The following TTC23L variants were observed in gnomAD, a reference collection of about 807,000 sequenced individuals.
TTC23L encodes the protein tetratricopeptide repeat domain 23 like, also known as tetratricopeptide repeat protein 23-like.
Under a neutral mutation model 48.1 loss-of-function variants are expected in TTC23L, and 42 were observed. That is an observed-to-expected ratio of 0.87 (90% CI 0.68 to 1.13). The LOEUF (loss-of-function observed/expected upper bound fraction) is 1.13. TTC23L is among the 50% of genes most tolerant of loss of function. TTC23L has a pLI of 0.00. For synonymous variants in TTC23L, 159 were observed against 157.2 expected, an observed-to-expected ratio of 1.01 and a Z score of -0.09; for missense variants, 391 against 421.0, an observed-to-expected ratio of 0.93 and a Z score of 0.62.
rs869123650 is a variant in TTC23L, at chr5:34,846,667, A to ATGTGTGTG, written c.255+1028_255+1035dup. Among the ~76,000 whole-genome samples the ATGTGTGTG allele has an allele frequency of 1.3e-3, 89 of 66,340 alleles. No homozygotes were observed. In the East Asian group the frequency reaches 0.02, roughly 15 times the overall value. 43.5% of individuals were successfully genotyped at this position (66,340 alleles called of 152,430 possible). ...TATATACAAATACATATATGTGTGT[A>ATGTGTGTG]TGTGTGTGTGTGTGTGTGTGTGTGT... On this transcript the variant is annotated intron_variant, in intron 3 of 10. Coordinates refer to ENST00000505624, the Ensembl canonical transcript of TTC23L.
At chr5:34,859,867 G>A (rs1377182865) in intron 4 of TTC23L, among the ~76,000 whole-genome samples, 4 of 120,030 alleles carry the variant, frequency 3.3e-5, no homozygotes, top group African/African-American at 9.8e-5. Flanking sequence ...TTTTTGAGAC[G>A]GAATCTCACT....
chr5:34,844,152 G>A (rs1016013402), intron 2 of TTC23L, among the ~76,000 whole-genome samples: 2 of 152,208 alleles, frequency 1.3e-5, no homozygotes, highest in Non-Finnish European at 2.9e-5. Flanking sequence ...TTCATCACCT[G>A]TCTTCTGATC....
the TTC23L span, chr5:34,911,602 G>C: frequency 3.7e-6 from 6 of 1,613,992 alleles, no homozygotes; most frequent in East Asian, 6.7e-5. Context: ...GACTTCACTC[G>C]TCATATCCAA....
At chr5:34,913,796 C>T in the TTC23L span, 6 of 544,222 alleles carry the variant, frequency 1.1e-5, no homozygotes, top group Non-Finnish European at 2.0e-5. Context: ...TCTCCCTTGT[C>T]TCGTTTTTGT....
rs766063455 is a variant in TTC23L at position 34,896,799 on chromosome 5, G to A, written c.*21G>A. On this transcript the variant is annotated 3_prime_UTR_variant, in exon 10 of 11. Coordinates refer to ENST00000505624, the Ensembl canonical transcript of TTC23L. The stretch of plus-strand genomic sequence containing the variant: ...AGTAGCAGTTCATCCAGATGGAGAA[G>A]AGAAGCCATTCCTGGAAGAAGGAAC... The A allele has an allele frequency of 1.4e-5, 11 of 761,550 alleles. No individual in the cohort carries two copies. The African/African-American group carries it at 1.7e-4, about 12-fold the overall frequency. The allele number at this position is 761,550 out of a possible 1,614,324, so 47.2% of individuals were successfully genotyped here.
intron 4 of TTC23L, among the ~76,000 whole-genome samples, chr5:34,850,988 G>C (rs1481425300): frequency 6.6e-6 from 1 of 152,178 alleles, no homozygotes; most frequent in African/African-American, 2.4e-5. Context: ...TCCTTGACCA[G>C]CCATGTCCCC....
intron 9 of TTC23L, among the ~76,000 whole-genome samples, chr5:34,885,999 T>C (rs1186204286): frequency 6.6e-6 from 1 of 151,910 alleles, no homozygotes; most frequent in Non-Finnish European, 1.5e-5. Flanking sequence ...AAAAAATAGG[T>C]GAACAAAAAG....
chr5:34,899,591 A>G (rs181400838), downstream of TTC23L: 79 of 152,588 alleles, frequency 5.2e-4, 1 homozygote, highest in South Asian at 4.1e-4. Flanking sequence ...CCCAAGAGCC[A>G]TTAGAAACTA....
the TTC23L span, chr5:34,906,505 G>A: frequency 6.6e-6 from 1 of 152,022 alleles, no homozygotes; most frequent in Non-Finnish European, 1.5e-5. Flanking sequence ...AGGGCATGGA[G>A]GCATGCACCT....
chr5:34,888,665 T>C (rs1279080931), intron 9 of TTC23L: 2 of 266,152 alleles, frequency 7.5e-6, no homozygotes, highest in Non-Finnish European at 1.2e-5. Flanking sequence ...AAATCCTACC[T>C]GTGTATGAAT....
chr5:34,845,730 G>C (rs1759061454), intron 3 of TTC23L, 57 bp downstream of exon 3: 1 of 1,500,606 alleles, frequency 6.7e-7, no homozygotes, highest in East Asian at 2.3e-5. Flanking sequence ...TTCCTGTTTA[G>C]AGAAGCTTTG....
downstream of TTC23L, among the ~76,000 whole-genome samples, chr5:34,900,311 G>A (rs908028487): frequency 6.6e-6 from 1 of 152,050 alleles, no homozygotes; most frequent in Non-Finnish European, 1.5e-5. Flanking sequence ...CTTACAATAA[G>A]TAAACTAGAG....
the TTC23L span, chr5:34,925,341 C>G: frequency 1.2e-6 from 2 of 1,613,912 alleles, no homozygotes. Context: ...CATGATCCCA[C>G]TGCAGATGTT....
chr5:34,902,903 G>A (rs1763543209), downstream of TTC23L, among the ~76,000 whole-genome samples: 1 of 151,596 alleles, frequency 6.6e-6, no homozygotes, highest in Non-Finnish European at 1.5e-5. Flanking sequence ...AGTAGCATCA[G>A]AAGAGTTGCT....
the TTC23L span, chr5:34,911,666 C>T: frequency 1.2e-5 from 19 of 1,613,974 alleles, no homozygotes; most frequent in African/African-American, 1.3e-4. Context: ...TTATTAATAA[C>T]ATTGGTGCTG....
chr5:34,858,647 T>C (rs1760321324), intron 4 of TTC23L, among the ~76,000 whole-genome samples: 1 of 151,698 alleles, frequency 6.6e-6, no homozygotes, highest in Non-Finnish European at 1.5e-5. Context: ...TTATGTAATA[T>C]TATAAATAGT....
chr5:34,918,600 C>T, the TTC23L span: 1 of 518,148 alleles, frequency 1.9e-6, no homozygotes, highest in Non-Finnish European at 3.3e-6. Context: ...TGCCTTTTAT[C>T]CTTTCAAGTG....
intron 9 of TTC23L, among the ~76,000 whole-genome samples, chr5:34,889,231 C>T (rs534060100): frequency 2.0e-4 from 30 of 152,218 alleles, no homozygotes; most frequent in African/African-American, 5.5e-4. Flanking sequence ...CTCACAAATA[C>T]CCGGTGTGAT....
chr5:34,844,162 C>G (rs962792341), intron 2 of TTC23L, among the ~76,000 whole-genome samples: 1 of 152,178 alleles, frequency 6.6e-6, no homozygotes, highest in Non-Finnish European at 1.5e-5. Flanking sequence ...GTCTTCTGAT[C>G]AGGTCACATC....
Sources: allele counts gnomAD v4.1 joint callset (sites outside exome capture counted in the v4.1 genomes callset), GRCh38; gene constraint gnomAD v4.1.1; transcripts MANE v1.5; gene names NCBI Gene and HGNC (gene_info 2026-07-23, HGNC 2026-07-21).